The following RMI1 variants were observed in gnomAD, a reference collection of about 807,000 sequenced individuals.
RMI1 encodes recQ-mediated genome instability protein 1.
A neutral mutation model predicts 46.7 loss-of-function variants in RMI1; 36 were observed. The observed-to-expected ratio is 0.77, with a 90% CI of 0.59 to 1.02. RMI1 has a LOEUF of 1.02. RMI1 is among the 50% of genes least tolerant of loss of function. The pLI is 0.00. For synonymous variants in RMI1, 250 were observed against 252.9 expected (o/e 0.99, Z 0.11); for missense variants, 676 against 713.7 (o/e 0.95, Z 0.60).
chr9:83,998,477 C>T (rs1477043475), intron 1 of RMI1, among the ~76,000 whole-genome samples: 1 of 152,068 alleles, frequency 6.6e-6, no homozygotes, highest in African/African-American at 2.4e-5. Context: ...CATACATTTA[C>T]TATGTGCTAG....
chr9:83,985,315 T>C (rs1291057093), intron 1 of RMI1, among the ~76,000 whole-genome samples: 1 of 152,262 alleles, frequency 6.6e-6, no homozygotes, highest in Non-Finnish European at 1.5e-5. Context: ...TCCTACTTTC[T>C]ACTTTGTTGT....
chr9:83,996,563 T>C (rs1355347888), intron 1 of RMI1, among the ~76,000 whole-genome samples: 1 of 152,210 alleles, frequency 6.6e-6, no homozygotes, highest in African/African-American at 2.4e-5. Context: ...TTTTGTCTAG[T>C]TTCTTGTATA....
chr9:83,990,823 T>C (rs1231681860), intron 1 of RMI1, among the ~76,000 whole-genome samples: 2 of 152,156 alleles, frequency 1.3e-5, no homozygotes, highest in East Asian at 3.8e-4. Context: ...ATTTATTTTT[T>C]TGAGACGGAG....
At chr9:83,989,154 T>G (rs1957532176) in intron 1 of RMI1, among the ~76,000 whole-genome samples, 1 of 152,190 alleles carries the variant, frequency 6.6e-6, no homozygotes, top group East Asian at 1.9e-4. Context: ...CCACTATGCC[T>G]GGACTGAAGT....
chr9:83,982,766 C>G (rs1957438361), intron 1 of RMI1, among the ~76,000 whole-genome samples: 1 of 151,900 alleles, frequency 6.6e-6, no homozygotes, highest in Admixed American at 6.6e-5. Flanking sequence ...CCTCTAGATG[C>G]CATTGTGGGA....
intron 1 of RMI1, among the ~76,000 whole-genome samples, chr9:83,987,798 G>A (rs1020320382): frequency 1.3e-5 from 2 of 152,018 alleles, no homozygotes; most frequent in Non-Finnish European, 2.9e-5. Context: ...TATTCCTTGT[G>A]TCCATAATTT....
chr9:83,991,297 G>C (rs999114024), intron 1 of RMI1, among the ~76,000 whole-genome samples: 5 of 148,920 alleles, frequency 3.4e-5, no homozygotes, highest in African/African-American at 1.2e-4. Flanking sequence ...TGCTTTTGAT[G>C]TCATTTTTCT....
chr9:84,003,148 A>C lies in RMI1; in HGVS notation c.*284A>C. The C allele has an allele frequency of 4.6e-6, 1 of 216,632 alleles. No individual in the cohort carries two copies. The allele number at this position is 216,632 out of a possible 1,614,324, so 13.4% of individuals were successfully genotyped here. A position where few individuals can be genotyped will look rare whatever the true frequency, so the allele number is the denominator to read the frequency against. ...TGCATCAACCTCTTGAGCTCAAGCG[A>C]TCCTCCTGCCTTAGCCTCTTGAGTT... On this transcript the variant is annotated 3_prime_UTR_variant, in exon 3 of 3. Transcript: ENST00000445877.
intron 1 of RMI1, among the ~76,000 whole-genome samples, chr9:83,996,454 C>T (rs1418974359): frequency 6.6e-6 from 1 of 152,178 alleles, no homozygotes; most frequent in Non-Finnish European, 1.5e-5. Flanking sequence ...CTGGGGGCTG[C>T]ACGGCTTTAG....
intron 1 of RMI1, among the ~76,000 whole-genome samples, chr9:83,993,981 G>A (rs1321303966): frequency 1.4e-5 from 2 of 142,712 alleles, no homozygotes; most frequent in Admixed American, 1.5e-4. Flanking sequence ...ATGGGGTTTC[G>A]CCATGTTGTT....
chr9:83,999,276 T>C (rs2133127684), intron 1 of RMI1, among the ~76,000 whole-genome samples: 1 of 152,284 alleles, frequency 6.6e-6, no homozygotes, highest in Admixed American at 6.5e-5. Context: ...CTAATAATAG[T>C]ATACATTTAC....
chr9:83,988,903 G>A (rs1429445332), intron 1 of RMI1, among the ~76,000 whole-genome samples: 1 of 151,952 alleles, frequency 6.6e-6, no homozygotes, highest in Non-Finnish European at 1.5e-5. Context: ...TGTTACCCAG[G>A]CTGAATGCAG....
At chr9:83,995,123 C>CCGAGTAGCTGGGATTACAGGTG (rs1957630697) in intron 1 of RMI1, among the ~76,000 whole-genome samples, 1 of 152,038 alleles carries the variant, frequency 6.6e-6, no homozygotes, top group African/African-American at 2.4e-5. Flanking sequence ...CCTAAGCCTC[C>CCGAGTAGCTGGGATTACAGGTG]CGAGTAGCTG....
chr9:83,982,764 T>C (rs1220672467), intron 1 of RMI1, among the ~76,000 whole-genome samples: 1 of 152,218 alleles, frequency 6.6e-6, no homozygotes, highest in African/African-American at 2.4e-5. Flanking sequence ...CCCCTCTAGA[T>C]GCCATTGTGG....
In RMI1 at chr9:84,001,622, G is replaced by C. The variant is rs1031708487; in HGVS notation, c.636G>C (p.Gly212=). Residue 212 remains glycine (G), a synonymous_variant, in exon 3 of 3, where the codon GGG becomes GGC. Transcript: ENST00000445877. The stretch of plus-strand genomic sequence containing the variant: ...AAAAAGTACTTGCAAGATTAATAGG[G>C]GAACCTGATCTTGTAGTTTCAGTCA... ...AQEKVLARLI[G]EPDLVVSVIP... 2.5e-6 allele frequency: 4 copies of C among 1,613,950 alleles called. No individual in the cohort carries two copies. The highest frequency in any genetic ancestry group is 2.5e-6 in the Non-Finnish European group (3 of 1,179,972).
At chr9:83,997,420 C>G (rs1246032056) in intron 1 of RMI1, among the ~76,000 whole-genome samples, 1 of 149,640 alleles carries the variant, frequency 6.7e-6, no homozygotes, top group Non-Finnish European at 1.5e-5. Flanking sequence ...CCTTTTTTTC[C>G]CTTAATTGAA....
At chr9:83,989,442 G>A (rs757070544) in intron 1 of RMI1, among the ~76,000 whole-genome samples, 4 of 152,128 alleles carry the variant, frequency 2.6e-5, no homozygotes, top group Non-Finnish European at 4.4e-5. Context: ...TCCATCTGAC[G>A]AGGGATTAAT....
intron 1 of RMI1, among the ~76,000 whole-genome samples, chr9:83,996,257 G>C (rs1957651762): frequency 6.6e-6 from 1 of 152,184 alleles, no homozygotes. Context: ...TGTTATATGT[G>C]TTATGCAGGC....
chr9:83,980,752 T>G (rs925171233), upstream of RMI1: 1 of 151,268 alleles, frequency 6.6e-6, no homozygotes, highest in Admixed American at 6.6e-5. Flanking sequence ...TCCTTTGGGG[T>G]TGGAGGAGGG....
Sources: allele counts gnomAD v4.1 joint callset (sites outside exome capture counted in the v4.1 genomes callset), GRCh38; gene constraint gnomAD v4.1.1; transcripts MANE v1.5; gene names NCBI Gene and HGNC (gene_info 2026-07-23, HGNC 2026-07-21).